LMBRD1: variants seen among roughly 807,000 people sequenced by gnomAD.
LMBRD1 encodes the protein lysosomal cobalamin transport escort protein LMBD1.
A neutral mutation model predicts 74.8 loss-of-function variants in LMBRD1; 64 were observed. The observed-to-expected ratio is 0.86, with a 90% CI of 0.70 to 1.05. LMBRD1 has a LOEUF of 1.05. Ranked by LOEUF, LMBRD1 falls within the 50% of genes least tolerant of loss-of-function variation. The pLI, the probability that LMBRD1 is intolerant of heterozygous loss-of-function variation, is 0.00. For synonymous variants in LMBRD1, 204 were observed against 216.3 expected (o/e 0.94, Z 0.50); for missense variants, 652 against 645.9 (o/e 1.01, Z -0.10).
intron 3 of LMBRD1, among the ~76,000 whole-genome samples, chr6:69,774,255 C>T (rs1020355307): frequency 6.6e-6 from 1 of 152,218 alleles, no homozygotes; most frequent in African/African-American, 2.4e-5. Context: ...TGTGACTTTG[C>T]TCCTCCTCGC....
intron 5 of LMBRD1, 120 bp downstream of exon 5, chr6:69,749,221 G>A (rs1765062033): frequency 1.3e-6 from 1 of 775,028 alleles, no homozygotes; most frequent in African/African-American, 1.8e-5. Flanking sequence ...TTAGAGAGTG[G>A]ATTGTTCTTT....
intron 7 of LMBRD1, among the ~76,000 whole-genome samples, chr6:69,727,723 T>A (rs544591909): frequency 4.0e-5 from 6 of 151,198 alleles, no homozygotes; most frequent in African/African-American, 1.2e-4. Context: ...TCGTTTATAT[T>A]TTTAATATTA....
chr6:69,736,992 T>G (rs1489822052), intron 7 of LMBRD1, among the ~76,000 whole-genome samples: 2 of 152,198 alleles, frequency 1.3e-5, no homozygotes, highest in Admixed American at 1.3e-4. Flanking sequence ...AGTACCCAAG[T>G]AAGCACCTGT....
At chr6:69,711,468 A>G (rs1481263139) in intron 9 of LMBRD1, among the ~76,000 whole-genome samples, 1 of 152,140 alleles carries the variant, frequency 6.6e-6, no homozygotes, top group Non-Finnish European at 1.5e-5. Flanking sequence ...AACATAGCAT[A>G]TATAAAAGAA....
At chr6:69,791,216 C>G (rs1467206997) in intron 1 of LMBRD1, among the ~76,000 whole-genome samples, 2 of 152,190 alleles carry the variant, frequency 1.3e-5, no homozygotes, top group Non-Finnish European at 2.9e-5. Flanking sequence ...ACTGTTAAAG[C>G]ACAGATTGCT....
At chr6:69,764,719 TA>T (rs1765443884) in intron 3 of LMBRD1, among the ~76,000 whole-genome samples, 1 of 152,194 alleles carries the variant, frequency 6.6e-6, no homozygotes. Flanking sequence ...ATAAGCCCTT[TA>T]TGATTTATAC....
intron 3 of LMBRD1, among the ~76,000 whole-genome samples, chr6:69,755,588 TA>T (rs75543340): frequency 0.078 from 10,379 of 132,798 alleles, 363 homozygotes; most frequent in East Asian, 0.12. Context: ...TCCCAGAACT[TA>T]AAAAAAAAAA....
chr6:69,731,738 A>C (rs1379624158), intron 7 of LMBRD1, among the ~76,000 whole-genome samples: 1 of 152,134 alleles, frequency 6.6e-6, no homozygotes. Flanking sequence ...TAGGTGTATT[A>C]AATGCATTTT....
At chr6:69,739,729 A>G (rs1395670698) in intron 6 of LMBRD1, among the ~76,000 whole-genome samples, 2 of 152,178 alleles carry the variant, frequency 1.3e-5, no homozygotes, top group African/African-American at 2.4e-5. Context: ...TGTGTTCTAC[A>G]CCTTGACTGC....
At chr6:69,766,201 G>A (rs1159203636) in intron 3 of LMBRD1, among the ~76,000 whole-genome samples, 1 of 151,902 alleles carries the variant, frequency 6.6e-6, no homozygotes, top group African/African-American at 2.4e-5. Context: ...CTAGTACAAT[G>A]TTAAATAGCA....
intron 1 of LMBRD1, among the ~76,000 whole-genome samples, chr6:69,794,720 C>T (rs1582173219): frequency 6.6e-6 from 1 of 152,170 alleles, no homozygotes; most frequent in African/African-American, 2.4e-5. Context: ...TTTTCAGAGA[C>T]ATTTCTGACA....
At chr6:69,676,799 T>TA (rs1765556050) in intron 14 of LMBRD1, among the ~76,000 whole-genome samples, 1 of 152,020 alleles carries the variant, frequency 6.6e-6, no homozygotes, top group Non-Finnish European at 1.5e-5. Flanking sequence ...ATCTTAAGTA[T>TA]AAAAAAATCA....
intron 8 of LMBRD1, among the ~76,000 whole-genome samples, chr6:69,716,291 A>C (rs889598021): frequency 6.6e-6 from 1 of 151,828 alleles, no homozygotes; most frequent in Non-Finnish European, 1.5e-5. Flanking sequence ...TTATTTTTTG[A>C]CTTTTTAATA....
intron 7 of LMBRD1, among the ~76,000 whole-genome samples, chr6:69,733,654 G>A (rs1335406123): frequency 6.6e-6 from 1 of 151,940 alleles, no homozygotes; most frequent in Non-Finnish European, 1.5e-5. Context: ...TATTAAAACT[G>A]GCCAAATCAT....
At chr6:69,682,181 T>C (rs1463492999) in intron 14 of LMBRD1, among the ~76,000 whole-genome samples, 1 of 151,968 alleles carries the variant, frequency 6.6e-6, no homozygotes, top group African/African-American at 2.4e-5. Context: ...TGTATATTTA[T>C]ATTAAAATTT....
intron 7 of LMBRD1, among the ~76,000 whole-genome samples, chr6:69,725,960 G>A (rs185516950): frequency 6.6e-6 from 1 of 152,174 alleles, no homozygotes; most frequent in East Asian, 1.9e-4. Context: ...GGCACAGAAT[G>A]GGAGAAAATA....
chr6:69,729,884 G>T lies in LMBRD1; in HGVS notation c.636+8058C>A, dbSNP rs559334944. On this transcript the variant is annotated intron_variant, in intron 7 of 15. Coordinates refer to ENST00000649934, the MANE Select transcript of LMBRD1 (RefSeq NM_018368.4). The stretch of plus-strand genomic sequence containing the variant: ...TTTAGATTATGATAAGCTTGACATA[G>T]ACCTTATATAAAACATTATAACTTT... 1.5e-3 allele frequency among the ~76,000 whole-genome samples: 224 copies of T among 151,926 alleles called. 1 individual carries two copies. The highest frequency in any genetic ancestry group is 5.3e-3 in the African/African-American group (218 of 41,476).
At chr6:69,767,416 A>G (rs1765494290) in intron 3 of LMBRD1, among the ~76,000 whole-genome samples, 1 of 151,678 alleles carries the variant, frequency 6.6e-6, no homozygotes, top group Non-Finnish European at 1.5e-5. Flanking sequence ...TTCTGTTCAA[A>G]ATATTCTCCA....
At chr6:69,741,981 A>C in intron 5 of LMBRD1, 104 bp from the exon 6 acceptor site, 2 of 712,698 alleles carry the variant, frequency 2.8e-6, no homozygotes, top group Non-Finnish European at 2.4e-6. Flanking sequence ...AATAAATAAA[A>C]TCTGTACTAT....
Sources: allele counts gnomAD v4.1 joint callset (sites outside exome capture counted in the v4.1 genomes callset), GRCh38; gene constraint gnomAD v4.1.1; transcripts MANE v1.5; gene names NCBI Gene and HGNC (gene_info 2026-07-23, HGNC 2026-07-21).